The following MECR variants were observed in gnomAD, a reference collection of about 807,000 sequenced individuals.
MECR encodes enoyl-[acyl-carrier-protein] reductase, mitochondrial.
MECR carries 37 observed loss-of-function variants against 49.1 expected under a neutral mutation model. That is an observed-to-expected ratio of 0.75 (90% CI 0.58 to 0.99). The LOEUF (loss-of-function observed/expected upper bound fraction) is 0.99, where lower values mean the gene tolerates loss of function less well. MECR is among the 50% of genes least tolerant of loss of function. MECR has a pLI of 0.00. For missense variants in MECR, 470 were observed against 479.6 expected, an observed-to-expected ratio of 0.98 and a Z score of 0.19; for synonymous variants, 198 against 191.1, an observed-to-expected ratio of 1.04 and a Z score of -0.30.
intron 9 of MECR, 31 bp from the exon 10 acceptor site, chr1:29,194,210 G>C (rs771582707): frequency 6.3e-7 from 1 of 1,575,280 alleles, no homozygotes; most frequent in Non-Finnish European, 8.6e-7. Context: ...TCAGACAAGA[G>C]AACAGCAGCT....
intron 1 of MECR, 148 bp from the exon 2 acceptor site, chr1:29,216,833 C>T (rs983984791): frequency 6.8e-5 from 100 of 1,475,386 alleles, no homozygotes; most frequent in Non-Finnish European, 8.7e-5. Flanking sequence ...AGAGAGGTAC[C>T]ATAAGAAATC....
At chr1:29,228,516 TA>T (rs1267669374) in intron 1 of MECR, among the ~76,000 whole-genome samples, 7 of 152,046 alleles carry the variant, frequency 4.6e-5, no homozygotes, top group Non-Finnish European at 8.8e-5. Flanking sequence ...CATGCCCAGC[TA>T]ATTTTTGTAT....
At chr1:29,216,429 G>T (rs1679422722) in intron 2 of MECR, among the ~76,000 whole-genome samples, 159 bp downstream of exon 2, 1 of 152,214 alleles carries the variant, frequency 6.6e-6, no homozygotes, top group Non-Finnish European at 1.5e-5. Flanking sequence ...TTCCAGAAAA[G>T]GGAGGCCAGA....
chr1:29,171,219 A>T, the MECR span: 6 of 151,918 alleles, frequency 3.9e-5, no homozygotes, highest in Non-Finnish European at 8.8e-5. Flanking sequence ...ACTAAGGACA[A>T]CATCATAAAA....
chr1:29,176,365 T>C, the MECR span, among the ~76,000 whole-genome samples: 1 of 152,012 alleles, frequency 6.6e-6, no homozygotes, highest in Admixed American at 6.6e-5. Flanking sequence ...ATCATAAAAA[T>C]GATAAAGCAC....
intron 3 of MECR, among the ~76,000 whole-genome samples, chr1:29,214,503 A>G (rs1404587757): frequency 2.0e-5 from 3 of 151,804 alleles, no homozygotes; most frequent in African/African-American, 7.3e-5. Flanking sequence ...CTGTGACTAC[A>G]GACGCATGCC....
At position 29,216,045 on chromosome 1, in the gene MECR, C is replaced by T. The variant is rs1372862820; in HGVS notation, c.366G>A (p.Leu122=). 50 of 1,614,062 alleles carry T rather than the reference C, an allele frequency of 3.1e-5. No homozygotes were observed. Among genetic ancestry groups the T allele is most frequent in the Non-Finnish European group, 4.1e-5 (48 of 1,180,016 alleles). Residue 122 remains leucine (L), a synonymous_variant, in exon 3 of 10, where the codon CTG becomes CTA. Coordinates refer to ENST00000263702, the MANE Select transcript of MECR (RefSeq NM_016011.5). ...CTGGAATCACCCAGTCTCCTGGCTTCAGCCCGGTCACATTGCTGCCCACCG... is the reference window on the plus strand; with the variant it reads ...CTGGAATCACCCAGTCTCCTGGCTTTAGCCCGGTCACATTGCTGCCCACCG... The part of the protein sequence containing the change: ...VVAVGSNVTG[L]KPGDWVIPAN...
chr1:29,203,141 C>A lies in MECR; in HGVS notation c.643G>T (p.Val215Phe). The A allele has an allele frequency of 1.3e-6, 2 of 1,576,134 alleles. No homozygotes were observed. Among genetic ancestry groups the A allele is most frequent in the Non-Finnish European group, 1.7e-6 (2 of 1,157,438 alleles). The change falls in exon 5 of 10, where the codon GTC becomes TTC. Residue 215 changes from valine (V) to phenylalanine (F), a missense_variant. Val to Phe is a conservative substitution (Grantham distance 50). Transcript: ENST00000263702. ...TCCTTCCCCACGCACCTGTCTCGGA[C>A]CACATTGATGGTTCTTAGGCCCAGG... is the stretch of plus-strand genomic sequence containing the variant. ...AALGLRTINVVRDRPDIQKLS... is the reference protein window; with the variant it reads ...AALGLRTINVFRDRPDIQKLS...
downstream of MECR, among the ~76,000 whole-genome samples, chr1:29,190,249 C>G (rs1673093523): frequency 6.6e-6 from 1 of 152,128 alleles, no homozygotes; most frequent in Non-Finnish European, 1.5e-5. Flanking sequence ...GTGGCAGGCG[C>G]CTGTAGTCCC....
chr1:29,197,911 G>C (rs1674385260), intron 7 of MECR, among the ~76,000 whole-genome samples: 1 of 152,224 alleles, frequency 6.6e-6, no homozygotes, highest in African/African-American at 2.4e-5. Flanking sequence ...TCCGTCATTT[G>C]TACAGCAATT....
intron 3 of MECR, among the ~76,000 whole-genome samples, chr1:29,213,335 G>A (rs1289369493): frequency 6.6e-6 from 1 of 152,182 alleles, no homozygotes; most frequent in African/African-American, 2.4e-5. Flanking sequence ...AGGAGACGGT[G>A]GAGCCATTCT....
Position 29,215,973 on chromosome 1 carries a change from C to T in MECR, c.406+32G>A, listed in dbSNP as rs199687591. 2,642 of 1,611,530 alleles carry T rather than the reference C, an allele frequency of 1.6e-3. 4 individuals are homozygous for T. The highest frequency in any genetic ancestry group is 3.3e-3 in the Middle Eastern group (20 of 6,036). On this transcript the variant is annotated intron_variant, in intron 3 of 9. Coordinates refer to ENST00000263702, the MANE Select transcript of MECR (RefSeq NM_016011.5). ...GTGGGTGAAATAGGATCTGGAAGAA[C>T]GAATAGGCAGCTGACACCTGGAGAA...
the MECR span, among the ~76,000 whole-genome samples, chr1:29,176,113 G>A: frequency 5.3e-5 from 8 of 152,096 alleles, no homozygotes; most frequent in Non-Finnish European, 7.4e-5. Context: ...TTAGCCGGGC[G>A]TGGTGGCACG....
intron 3 of MECR, 107 bp downstream of exon 3, chr1:29,215,898 A>T: frequency 7.6e-7 from 1 of 1,315,366 alleles, no homozygotes; most frequent in Admixed American, 2.4e-5. Context: ...TAAAAAAAAT[A>T]AACCCTGCAT....
chr1:29,210,438 C>T lies in MECR; in HGVS notation c.407-3533G>A, dbSNP rs1309272949. 5.3e-5 allele frequency among the ~76,000 whole-genome samples: 8 copies of T among 152,312 alleles called. No individual in the cohort carries two copies. In the East Asian group the frequency reaches 1.5e-3, roughly 29 times the overall value. On this transcript the variant is annotated intron_variant, in intron 3 of 9. Coordinates refer to ENST00000263702, the MANE Select transcript of MECR (RefSeq NM_016011.5). ...TGCCCCAGCATCCTGTGGGCTTCCC[C>T]CGGACTGGCCTTCAAATCATCGTTC... is the stretch of plus-strand genomic sequence containing the variant.
chr1:29,169,730 C>T, the MECR span: 1 of 152,226 alleles, frequency 6.6e-6, no homozygotes, highest in South Asian at 2.1e-4. Flanking sequence ...AAACTCAAGC[C>T]CATGGTATTG....
At chr1:29,168,507 G>C in the MECR span, 1 of 152,100 alleles carries the variant, frequency 6.6e-6, no homozygotes, top group Non-Finnish European at 1.5e-5. Context: ...ATTGACCTTG[G>C]GGCAGGGTGA....
chr1:29,223,310 A>G (rs544269716), intron 1 of MECR: 36 of 985,266 alleles, frequency 3.7e-5, no homozygotes, highest in East Asian at 2.3e-4. Flanking sequence ...CAGAAGAAAG[A>G]GCCTTTTGAG....
intron 3 of MECR, among the ~76,000 whole-genome samples, chr1:29,213,759 C>T (rs1285312582): frequency 6.6e-6 from 1 of 152,250 alleles, no homozygotes; most frequent in Non-Finnish European, 1.5e-5. Context: ...CTTGGACAAA[C>T]TGCTTAACAG....
Sources: gnomAD v4.1 joint callset for allele counts (sites outside exome capture counted in the v4.1 genomes callset) on GRCh38, gnomAD v4.1.1 for gene constraint, MANE v1.5 for transcripts, NCBI Gene and HGNC (gene_info 2026-07-23, HGNC 2026-07-21) for gene names.